PTPRG: variants seen among roughly 807,000 people sequenced by gnomAD.
The protein encoded by PTPRG is receptor-type tyrosine-protein phosphatase gamma.
PTPRG carries 102 observed loss-of-function variants against 165.3 expected under a neutral mutation model. That is an observed-to-expected ratio of 0.62 (90% CI 0.53 to 0.73). PTPRG has a LOEUF of 0.73. PTPRG is among the 30% of genes least tolerant of loss of function. The pLI is 0.00. For synonymous variants in PTPRG, 675 were observed against 669.5 expected, an observed-to-expected ratio of 1.01 and a Z score of -0.13; for missense variants, 1,866 against 1,861.4, an observed-to-expected ratio of 1.00 and a Z score of -0.05.
intron 2 of PTPRG, among the ~76,000 whole-genome samples, chr3:61,806,175 AGTGT>A (rs2035411119): frequency 6.6e-6 from 1 of 152,140 alleles, no homozygotes; most frequent in Non-Finnish European, 1.5e-5. Context: ...GCCTGAACTC[AGTGT>A]TATCATTTTG....
chr3:61,690,576 A>G (rs902938865), intron 1 of PTPRG, among the ~76,000 whole-genome samples: 2 of 152,188 alleles, frequency 1.3e-5, no homozygotes, highest in South Asian at 2.1e-4. Context: ...TAAAACACTC[A>G]TTGTGTTTTT....
Position 62,297,195 on chromosome 3 carries a change from A to G in PTPRG, c.*3888A>G, listed in dbSNP as rs1020704557. 6.6e-6 allele frequency: 1 copy of G among 151,826 alleles called. No individual in the cohort carries two copies. The highest frequency in any genetic ancestry group is 2.4e-5 in the African/African-American group (1 of 41,366). 9.4% of individuals were successfully genotyped at this position (151,826 alleles called of 1,614,324 possible). On this transcript the variant is annotated 3_prime_UTR_variant, in exon 30 of 30. Transcript: ENST00000474889. The stretch of plus-strand genomic sequence containing the variant: ...AATTTTATATTTTCATATAAAGCTA[A>G]TTTTTTTCTAGTTTCAACTCCGTCA...
intron 2 of PTPRG, among the ~76,000 whole-genome samples, chr3:61,857,256 C>T (rs933595123): frequency 6.6e-6 from 1 of 152,126 alleles, no homozygotes; most frequent in African/African-American, 2.4e-5. Context: ...CAATGACTTG[C>T]TCAAGTTCAT....
At chr3:62,127,119 C>T (rs1175575015) in intron 5 of PTPRG, among the ~76,000 whole-genome samples, 1 of 152,182 alleles carries the variant, frequency 6.6e-6, no homozygotes, top group Non-Finnish European at 1.5e-5. Flanking sequence ...TGAACATGGC[C>T]ACATTTCCTA....
At chr3:61,664,383 A>G (rs1301959098) in intron 1 of PTPRG, among the ~76,000 whole-genome samples, 1 of 152,190 alleles carries the variant, frequency 6.6e-6, no homozygotes, top group Non-Finnish European at 1.5e-5. Context: ...CTTGTCTTAT[A>G]ATCCTCAGTC....
Position 62,161,838 on chromosome 3 carries a change from T to C in PTPRG, c.840+4614T>C, listed in dbSNP as rs551250975. Among the ~76,000 whole-genome samples the C allele has an allele frequency of 2.0e-5, 3 of 152,288 alleles. No homozygotes were observed. The South Asian group carries it at 6.2e-4, about 32-fold the overall frequency. ...TTAATATTCCATTATCATTGTCTTG[T>C]TTAATAAGGAGGCAACAAACACGAC... On this transcript the variant is annotated intron_variant, in intron 7 of 29. Transcript: ENST00000474889.
At chr3:61,825,085 C>T (rs1165983152) in intron 2 of PTPRG, among the ~76,000 whole-genome samples, 1 of 152,134 alleles carries the variant, frequency 6.6e-6, no homozygotes, top group Non-Finnish European at 1.5e-5. Context: ...ACTCCTTTCT[C>T]CTCTAGGGGT....
At chr3:61,791,906 T>C (rs1385971574) in intron 2 of PTPRG, among the ~76,000 whole-genome samples, 1 of 152,262 alleles carries the variant, frequency 6.6e-6, no homozygotes, top group Non-Finnish European at 1.5e-5. Flanking sequence ...TATTAGTGAA[T>C]TTATTTTTAT....
chr3:61,930,983 C>A (rs1285237665), intron 2 of PTPRG, among the ~76,000 whole-genome samples: 2 of 152,172 alleles, frequency 1.3e-5, no homozygotes, highest in African/African-American at 4.8e-5. Flanking sequence ...ATCACTTGAA[C>A]CTGGGAGGCA....
rs1421518243 is a variant in PTPRG at position 61,840,778 on chromosome 3, G to GTTT, written c.190+91797_190+91799dup. On this transcript the variant is annotated intron_variant, in intron 2 of 29. Coordinates refer to ENST00000474889, the MANE Select transcript of PTPRG (RefSeq NM_002841.4). ...ATTTCAGATGGAGTTTTTTTTGTTT[G>GTTT]TTTGTTTTTTTTTTTTTTTTTTTGA... 2.3e-3 allele frequency among the ~76,000 whole-genome samples: 239 copies of GTTT among 106,138 alleles called. 3 individuals are homozygous for GTTT. The highest frequency in any genetic ancestry group is 9.9e-3 in the African/African-American group (220 of 22,314). 69.6% of individuals were successfully genotyped at this position (106,138 alleles called of 152,430 possible).
intron 4 of PTPRG, among the ~76,000 whole-genome samples, chr3:62,004,409 T>C (rs1016494710): frequency 2.0e-5 from 3 of 152,220 alleles, no homozygotes; most frequent in African/African-American, 7.2e-5. Context: ...TTTGAGTTCC[T>C]TCCTCAGGAA....
intron 16 of PTPRG, chr3:62,262,018 T>C (rs531189148): frequency 6.6e-6 from 1 of 152,358 alleles, no homozygotes; most frequent in East Asian, 1.9e-4. Flanking sequence ...ACTTCCCTTA[T>C]TAGTCAGCTC....
At chr3:61,841,634 A>G (rs2036636532) in intron 2 of PTPRG, among the ~76,000 whole-genome samples, 1 of 151,914 alleles carries the variant, frequency 6.6e-6, no homozygotes, top group Non-Finnish European at 1.5e-5. Context: ...TGCTTAGGAA[A>G]TGGCACCACA....
At chr3:62,053,412 G>A (rs1035791103) in intron 4 of PTPRG, among the ~76,000 whole-genome samples, 10 of 151,954 alleles carry the variant, frequency 6.6e-5, no homozygotes, top group South Asian at 2.1e-4. Flanking sequence ...GATTACAGGC[G>A]TCCGCCATCA....
intron 8 of PTPRG, among the ~76,000 whole-genome samples, chr3:62,183,582 A>G (rs996832405): frequency 2.0e-5 from 3 of 151,826 alleles, no homozygotes; most frequent in Admixed American, 1.3e-4. Context: ...AAAAAAAAAA[A>G]AAGAATGGCA....
Position 62,295,114 on chromosome 3 carries a change from C to T in PTPRG, c.*1807C>T, listed in dbSNP as rs1703018141. On this transcript the variant is annotated 3_prime_UTR_variant, in exon 30 of 30. Coordinates refer to ENST00000474889, the MANE Select transcript of PTPRG (RefSeq NM_002841.4). ...CATGGAATACTCTGCTTTTCAAGAG[C>T]TGCGTAAGCTAGTCCTGAGATAAGA... The T allele has an allele frequency of 1.3e-5, 2 of 152,110 alleles. No individual in the cohort carries two copies. Among genetic ancestry groups the T allele is most frequent in the Admixed American group, 1.3e-4 (2 of 15,254 alleles). 9.4% of individuals were successfully genotyped at this position (152,110 alleles called of 1,614,324 possible).
At chr3:62,064,146 G>A (rs550342284) in intron 4 of PTPRG, among the ~76,000 whole-genome samples, 22 of 151,820 alleles carry the variant, frequency 1.4e-4, no homozygotes, top group African/African-American at 5.3e-4. Flanking sequence ...TTTCCGATGA[G>A]CTACATTTTT....
chr3:62,145,753 G>T (rs943863022), intron 6 of PTPRG, among the ~76,000 whole-genome samples: 3 of 152,136 alleles, frequency 2.0e-5, no homozygotes, highest in African/African-American at 7.2e-5. Context: ...TCAGCAACAC[G>T]TTGAGGTAAG....
chr3:61,802,180 A>C (rs1455122538), intron 2 of PTPRG, among the ~76,000 whole-genome samples: 1 of 152,166 alleles, frequency 6.6e-6, no homozygotes, highest in Non-Finnish European at 1.5e-5. Flanking sequence ...AAAAATGGAA[A>C]TTATCAGTAA....
Sources: allele counts gnomAD v4.1 joint callset (sites outside exome capture counted in the v4.1 genomes callset), GRCh38; gene constraint gnomAD v4.1.1; transcripts MANE v1.5; gene names NCBI Gene and HGNC (gene_info 2026-07-23, HGNC 2026-07-21).